ZMYM6: variants seen among roughly 807,000 people sequenced by gnomAD.
ZMYM6 encodes the protein zinc finger MYM-type containing 6.
A neutral mutation model predicts 134.0 loss-of-function variants in ZMYM6; 90 were observed. The observed-to-expected ratio is 0.67, with a 90% CI of 0.57 to 0.80. The LOEUF (loss-of-function observed/expected upper bound fraction) is 0.80, where lower values mean the gene tolerates loss of function less well. Among genes scored for constraint, ZMYM6 ranks in the 30% least tolerant of loss-of-function variants. The pLI, the probability that ZMYM6 is intolerant of heterozygous loss-of-function variation, is 0.00. For synonymous variants in ZMYM6, 481 were observed against 524.1 expected (o/e 0.92, Z 1.12); for missense variants, 1,362 against 1,533.9 (o/e 0.89, Z 1.87).
rs1354579899 is a variant in ZMYM6, at chr1:35,002,603, CT to C, written c.1992+1364del. ...ATTGCCTGGTTATAATTTTTGTGAACTAAGAGGCATACCTGCTTTAATACTG... is the reference window on the plus strand; with the variant it reads ...ATTGCCTGGTTATAATTTTTGTGAACAAGAGGCATACCTGCTTTAATACTG... On this transcript the variant is annotated intron_variant, in intron 14 of 15. Transcript: ENST00000357182. 4.6e-5 allele frequency among the ~76,000 whole-genome samples: 7 copies of C among 152,292 alleles called. No individual in the cohort carries two copies. In the South Asian group the frequency reaches 8.3e-4, roughly 18 times the overall value.
chr1:35,027,214 T>C (rs1189466600), intron 2 of ZMYM6, among the ~76,000 whole-genome samples: 1 of 151,990 alleles, frequency 6.6e-6, no homozygotes, highest in East Asian at 1.9e-4. Flanking sequence ...CAGCATAGAT[T>C]TGAAAAGGTG....
chr1:35,010,596 C>T lies in ZMYM6; in HGVS notation c.1343G>A (p.Gly448Asp), dbSNP rs1043402683. 6.2e-7 allele frequency: 1 copy of T among 1,608,062 alleles called. No homozygotes were observed. The highest frequency in any genetic ancestry group is 1.3e-5 in the African/African-American group (1 of 74,420). Residue 448 changes from glycine (G) to aspartate (D), a missense_variant and splice_region_variant, in exon 10 of 16, where the codon GGT (glycine) becomes GAT (aspartate). Gly to Asp is a moderately conservative substitution (Grantham distance 94). Around this residue, in one of 3 missense-constraint regions of ZMYM6, gnomAD observed 35 missense variants for 72.2 expected, o/e 0.48. Coordinates refer to ENST00000357182, the MANE Select transcript of ZMYM6 (RefSeq NM_007167.4). ...ATKPELLFYK[G>D]KMFLFCGKNC... ...CTTGCCACAAAACAGAAACATTTTA[C>T]CCTGCAGAGAAACAACAGTCCATTA...
chr1:35,015,743 A>AAAAAAAAAAATATATATATATAT, intron 4 of ZMYM6, among the ~76,000 whole-genome samples: 10 of 106,460 alleles, frequency 9.4e-5, no homozygotes, highest in African/African-American at 6.6e-4. Flanking sequence ...AAAAAAAAAA[A>AAAAAAAAAAATATATATATATAT]ATATATATAT....
intron 2 of ZMYM6, among the ~76,000 whole-genome samples, chr1:35,022,105 T>C (rs192144990): frequency 6.6e-6 from 1 of 152,228 alleles, no homozygotes; most frequent in Non-Finnish European, 1.5e-5. Flanking sequence ...TTGCATTAAT[T>C]CACCACTTCC....
chr1:35,001,842 T>C (rs1452175201), intron 14 of ZMYM6, among the ~76,000 whole-genome samples: 2 of 152,226 alleles, frequency 1.3e-5, no homozygotes, highest in African/African-American at 4.8e-5. Context: ...TAGGATAAGC[T>C]ACCTCTCCAC....
intron 6 of ZMYM6, chr1:35,012,946 G>T: frequency 1.0e-6 from 1 of 984,936 alleles, no homozygotes; most frequent in Non-Finnish European, 1.2e-6. Context: ...ATCTAGAAGA[G>T]TCTACCACCT....
chr1:35,020,741 T>C (rs1166177484), intron 2 of ZMYM6, among the ~76,000 whole-genome samples: 1 of 151,884 alleles, frequency 6.6e-6, no homozygotes, highest in Admixed American at 6.6e-5. Context: ...CCCAACTATT[T>C]TTTGTATTTT....
In ZMYM6 at chr1:34,988,854, G is replaced by A. The variant is rs752934667; in HGVS notation, c.2228C>T (p.Thr743Ile). Residue 743 changes from threonine to isoleucine, a missense_variant, in exon 16 of 16, where the codon ACT becomes ATT. This residue lies in a region of ZMYM6 where 824 missense variants were observed against 940.9 expected (regional missense o/e 0.88). Coordinates refer to ENST00000357182, the MANE Select transcript of ZMYM6 (RefSeq NM_007167.4). ...AACTTTTAAATATTCTGTATCATAA[G>A]TCTGGAAAAAACCTAATCTTTTTTT... The part of the protein sequence containing the change: ...SKKKRLGFFQ[T>I]YDTEYLKVGF... 8.1e-6 allele frequency: 13 copies of A among 1,601,208 alleles called. No homozygotes were observed. The highest frequency in any genetic ancestry group is 1.1e-5 in the Non-Finnish European group (13 of 1,172,416).
intron 15 of ZMYM6, chr1:34,991,966 GC>G: frequency 2.4e-6 from 1 of 421,522 alleles, no homozygotes; most frequent in South Asian, 2.1e-5. Context: ...AACTGAATTC[GC>G]AGTATTTAAA....
chr1:34,987,381 T>C lies in ZMYM6; in HGVS notation c.3701A>G (p.Lys1234Arg). 1 of 1,614,102 alleles carries C rather than the reference T, an allele frequency of 6.2e-7. No individual in the cohort carries two copies. Among genetic ancestry groups the C allele is most frequent in the African/African-American group, 1.3e-5 (1 of 75,070 alleles). Residue 1234 changes from lysine to arginine, a missense_variant, in exon 16 of 16, where the codon AAG becomes AGG. Physicochemically the swap from Lys to Arg is conservative, Grantham distance 26. Coordinates refer to ENST00000357182, the MANE Select transcript of ZMYM6 (RefSeq NM_007167.4). ...TAAATCTGAAGATAGCTCTGTTAGC[T>C]TTTCTTCTTCGAAGTCGGTGAGATT... The part of the protein sequence containing the change: ...NNNLTDFEEE[K>R]LTELSSDLGL...
intron 12 of ZMYM6, among the ~76,000 whole-genome samples, chr1:35,006,648 C>G (rs970144538): frequency 6.6e-6 from 1 of 152,094 alleles, no homozygotes; most frequent in Non-Finnish European, 1.5e-5. Context: ...TAGTATATAT[C>G]CCTAGTTTAA....
At chr1:35,014,272 T>A (rs1338543955) in intron 6 of ZMYM6, among the ~76,000 whole-genome samples, 4 of 152,160 alleles carry the variant, frequency 2.6e-5, no homozygotes, top group African/African-American at 9.7e-5. Context: ...TATCAATACA[T>A]CACAAAATAT....
chr1:35,007,868 G>GA (rs1251542394), intron 11 of ZMYM6, among the ~76,000 whole-genome samples: 1 of 151,096 alleles, frequency 6.6e-6, no homozygotes, highest in Non-Finnish European at 1.5e-5. Context: ...GATACACAAT[G>GA]AAAAAAGTAA....
At chr1:35,016,603 ATAC>A (rs1313346994) in intron 4 of ZMYM6, among the ~76,000 whole-genome samples, 1 of 152,254 alleles carries the variant, frequency 6.6e-6, no homozygotes, top group East Asian at 1.9e-4. Context: ...GCAATAATAT[ATAC>A]TACAATAAGT....
At chr1:35,003,841 C>G in intron 14 of ZMYM6, 127 bp downstream of exon 14, 1 of 780,780 alleles carries the variant, frequency 1.3e-6, no homozygotes, top group Non-Finnish European at 2.1e-6. Flanking sequence ...GTGCCCAAGA[C>G]CTAGATTAAT....
rs764732403 is a variant in ZMYM6, at chr1:34,987,607, G to T, written c.3475C>A (p.Gln1159Lys). The change falls in exon 16 of 16, where the codon CAA becomes AAA. Residue 1159 changes from glutamine (Q) to lysine (K), a missense_variant. Gln to Lys is a moderately conservative substitution (Grantham distance 53). Transcript: ENST00000357182. ...GGGAACATGTCATAATCATTCTCTT[G>T]TGTGCGCTTCAACCACATTTTTAAC... ...RKLKMWLKRT[Q>K]ENDYDMFPSF... is the part of the protein sequence containing the mutation. 5.6e-6 allele frequency: 9 copies of T among 1,610,426 alleles called. No homozygotes were observed. The highest frequency in any genetic ancestry group is 4.0e-5 in the African/African-American group (3 of 74,750).
rs1292415548 is a variant in ZMYM6, at chr1:35,019,617, TA to T, written c.179-16del. The T allele has an allele frequency of 1.9e-6, 3 of 1,566,596 alleles. No individual in the cohort carries two copies. Among genetic ancestry groups the T allele is most frequent in the Admixed American group, 2.1e-5 (1 of 47,684 alleles). ...CAACTGCTGGGCTATCAAAACAAAATAAAAAAAGTTTTAGTATCAATACTAA... is the reference window on the plus strand; with the variant it reads ...CAACTGCTGGGCTATCAAAACAAAATAAAAAAGTTTTAGTATCAATACTAA... On this transcript the variant is annotated splice_polypyrimidine_tract_variant and intron_variant, in intron 3 of 15. Coordinates refer to ENST00000357182, the MANE Select transcript of ZMYM6 (RefSeq NM_007167.4).
chr1:34,995,045 CTTACATACGTAT>C (rs1640754296), intron 14 of ZMYM6, among the ~76,000 whole-genome samples: 1 of 127,076 alleles, frequency 7.9e-6, no homozygotes, highest in African/African-American at 3.1e-5. Context: ...AATATATATA[CTTACATACGTAT>C]ATATATGTAA....
intron 14 of ZMYM6, among the ~76,000 whole-genome samples, chr1:34,993,964 C>T (rs1291072075): frequency 6.6e-6 from 1 of 151,114 alleles, no homozygotes; most frequent in Non-Finnish European, 1.5e-5. Context: ...GGACTACAGG[C>T]GTAAGCCACC....
Sources: gnomAD v4.1 joint callset for allele counts (sites outside exome capture counted in the v4.1 genomes callset) on GRCh38, gnomAD v4.1.1 for gene constraint, gnomAD v4.1.1 regional missense constraint, MANE v1.5 for transcripts, NCBI Gene and HGNC (gene_info 2026-07-23, HGNC 2026-07-21) for gene names.